The following KLHL22 variants were observed in gnomAD, a reference collection of about 807,000 sequenced individuals.
The protein encoded by KLHL22 is kelch like family member 22.
In KLHL22, 18 loss-of-function variants were observed where a neutral mutation model predicts 60.7. The ratio of observed to expected loss-of-function variants is 0.30; its 90% CI spans 0.20 to 0.44. The LOEUF (loss-of-function observed/expected upper bound fraction) is 0.44, where lower values mean the gene tolerates loss of function less well. KLHL22 is among the 20% of genes least tolerant of loss of function. The pLI is 1.00. For missense variants in KLHL22, 596 were observed against 852.3 expected, an observed-to-expected ratio of 0.70 and a Z score of 3.74; for synonymous variants, 355 against 354.5, an observed-to-expected ratio of 1.00 and a Z score of -0.01.
intron 2 of KLHL22, among the ~76,000 whole-genome samples, chr22:20,477,748 T>C (rs1242283861): frequency 2.6e-5 from 4 of 152,226 alleles, no homozygotes; most frequent in Admixed American, 6.5e-5. Context: ...ATTACACATT[T>C]CTTTTTCATT....
chr22:20,483,040 T>A (rs2053530724), intron 2 of KLHL22: 4 of 669,492 alleles, frequency 6.0e-6, no homozygotes, highest in Non-Finnish European at 1.1e-5. Context: ...CCTGGCACTG[T>A]CCCTCTGCCC....
intron 2 of KLHL22, chr22:20,483,451 T>C (rs2053537260): frequency 6.5e-6 from 5 of 766,704 alleles, no homozygotes; most frequent in African/African-American, 5.1e-5. Flanking sequence ...TTTTACTTCC[T>C]CTTCATGGTT....
Position 20,445,722 on chromosome 22 carries a change from C to A in KLHL22, c.1539+721G>T, listed in dbSNP as rs115645795. Among the ~76,000 whole-genome samples, 979 of 152,232 alleles carry A rather than the reference C, an allele frequency of 6.4e-3. 12 individuals carry two copies. The highest frequency in any genetic ancestry group is 0.023 in the African/African-American group (941 of 41,542). On this transcript the variant is annotated intron_variant, in intron 6 of 6. Coordinates refer to ENST00000328879, the MANE Select transcript of KLHL22 (RefSeq NM_032775.4). ...TCAGCCTCCTGAGTAGCTGGGACTA[C>A]AGGTATGTGCTGCCAGCCTGGATCT...
At position 20,458,816 on chromosome 22, in the gene KLHL22, C is replaced by T. The variant is rs141526726; in HGVS notation, c.1113-816G>A. On this transcript the variant is annotated intron_variant, in intron 4 of 6. Coordinates refer to ENST00000328879, the MANE Select transcript of KLHL22 (RefSeq NM_032775.4). ...CCTCCTCCCACCATGCTGCCAGCCCCGCGTTTCCTGACCTCCCCTCCACTC... is the reference window on the plus strand; with the variant it reads ...CCTCCTCCCACCATGCTGCCAGCCCTGCGTTTCCTGACCTCCCCTCCACTC... 5.6e-4 allele frequency among the ~76,000 whole-genome samples: 86 copies of T among 152,266 alleles called. 4 individuals are homozygous for T. The East Asian group carries it at 0.014, about 24-fold the overall frequency.
chr22:20,454,002 T>A (rs750175808), intron 5 of KLHL22, among the ~76,000 whole-genome samples: 6 of 152,188 alleles, frequency 3.9e-5, no homozygotes, highest in African/African-American at 1.2e-4. Context: ...CCCAAAGTGC[T>A]GGGATTACAG....
In KLHL22 at chr22:20,442,482, G is replaced by A. The variant is rs200342972; in HGVS notation, c.1540-44C>T. ...AATAAAGCCCAGCACCCACTGGGAC[G>A]AGGCTGCCAGCTCCCCCACAAGCCC... On this transcript the variant is annotated intron_variant, in intron 6 of 6. Coordinates refer to ENST00000328879, the MANE Select transcript of KLHL22 (RefSeq NM_032775.4). The A allele has an allele frequency of 1.0e-4, 157 of 1,508,176 alleles. No individual in the cohort carries two copies. The African/African-American group carries it at 1.2e-3, about 11-fold the overall frequency. 93.4% of individuals were successfully genotyped at this position (1,508,176 alleles called of 1,614,324 possible).
Position 20,457,924 on chromosome 22 carries a change from C to T in KLHL22, c.1189G>A (p.Val397Ile), listed in dbSNP as rs752714487. 1.2e-6 allele frequency: 2 copies of T among 1,614,080 alleles called. No individual in the cohort carries two copies. The highest frequency in any genetic ancestry group is 1.7e-6 in the Non-Finnish European group (2 of 1,180,052). The change falls in exon 5 of 7, where the codon GTA becomes ATA. Residue 397 changes from valine (V) to isoleucine (I), a missense_variant. Physicochemically the swap from Val to Ile is conservative, Grantham distance 29 (BLOSUM62 3). Transcript: ENST00000328879. ...QEHADLSVCVVGRYIYAVAGR... is the reference protein window; with the variant it reads ...QEHADLSVCVIGRYIYAVAGR... ...GCCACAGCGTAGATGTACCTGCCTA[C>T]AACACACACGGACAGGTCGGCGTGC...
chr22:20,461,686 C>T (rs180911587), intron 4 of KLHL22, among the ~76,000 whole-genome samples: 125 of 151,438 alleles, frequency 8.3e-4, no homozygotes, highest in African/African-American at 2.9e-3. Context: ...TGACCGGGCA[C>T]GGTGGGTGGC....
chr22:20,458,007 C>G lies in KLHL22; in HGVS notation c.1113-7G>C. The G allele has an allele frequency of 6.2e-7, 1 of 1,613,726 alleles. No homozygotes were observed. ...GTTGTGCCGTGGGTCATACCTGTGC[C>G]GAGACATGAGGAAAGCACAGCACTG... On this transcript the variant is annotated splice_region_variant and splice_polypyrimidine_tract_variant and intron_variant, in intron 4 of 6. Coordinates refer to ENST00000328879, the MANE Select transcript of KLHL22 (RefSeq NM_032775.4).
At chr22:20,470,786 A>AAATGGATGGATG (rs142562911) in intron 3 of KLHL22, among the ~76,000 whole-genome samples, 5 of 137,648 alleles carry the variant, frequency 3.6e-5, no homozygotes, top group Admixed American at 7.2e-5. Context: ...ATGGATGGAT[A>AAATGGATGGATG]GATGGATGGA....
In KLHL22 at chr22:20,446,638, C is replaced by T; in HGVS notation, c.1344G>A (p.Met448Ile). The T allele has an allele frequency of 6.2e-7, 1 of 1,613,168 alleles. No homozygotes were observed. Reference protein sequence around the residue: ...AHAGATLEGKMYITCGRRGED... With the variant: ...AHAGATLEGKIYITCGRRGED... ...CCCCTCTGCGGCCGCAGGTGATATA[C>T]ATCTTCCCCTCCAGCGTCGCGCCTG... The change falls in exon 6 of 7, where the codon ATG becomes ATA. Residue 448 changes from methionine (M) to isoleucine (I), a missense_variant. By Grantham distance (10) the Met-to-Ile change is conservative. Coordinates refer to ENST00000328879, the MANE Select transcript of KLHL22 (RefSeq NM_032775.4).
At chr22:20,476,296 G>A (rs2053410848) in intron 2 of KLHL22, among the ~76,000 whole-genome samples, 1 of 151,762 alleles carries the variant, frequency 6.6e-6, no homozygotes, top group South Asian at 2.1e-4. Context: ...ATGTACTTCT[G>A]TCTGATTCTT....
chr22:20,476,439 A>G (rs2053414226), intron 2 of KLHL22, among the ~76,000 whole-genome samples: 1 of 127,682 alleles, frequency 7.8e-6, no homozygotes, highest in Non-Finnish European at 1.6e-5. Context: ...TTTTGAGACG[A>G]AGTCTTGCTG....
intron 3 of KLHL22, among the ~76,000 whole-genome samples, chr22:20,469,095 G>T (rs571131808): frequency 3.9e-4 from 59 of 152,286 alleles, no homozygotes; most frequent in African/African-American, 1.4e-3. Flanking sequence ...AAGCTGACTG[G>T]TGAGAGAGGG....
At chr22:20,451,262 A>G (rs528161360) in intron 5 of KLHL22, 3 of 1,604,632 alleles carry the variant, frequency 1.9e-6, no homozygotes, top group African/African-American at 1.3e-5. Flanking sequence ...GATTTGATCT[A>G]TGTCTCTGGA....
intron 2 of KLHL22, among the ~76,000 whole-genome samples, chr22:20,480,855 G>C (rs1256301745): frequency 7.3e-6 from 1 of 136,194 alleles, no homozygotes; most frequent in Non-Finnish European, 1.5e-5. Context: ...TTTTTGAGAC[G>C]GAGTCTTGCT....
intron 2 of KLHL22, among the ~76,000 whole-genome samples, chr22:20,476,724 T>G (rs983475338): frequency 4.0e-5 from 6 of 148,834 alleles, no homozygotes; most frequent in African/African-American, 7.5e-5. Flanking sequence ...TTTTTTTTTT[T>G]TGTGACAGAG....
intron 2 of KLHL22, among the ~76,000 whole-genome samples, chr22:20,478,624 C>G (rs779265840): frequency 1.9e-4 from 27 of 145,910 alleles, no homozygotes; most frequent in Non-Finnish European, 2.8e-4. Context: ...ACGCCTTTCT[C>G]CTGTCTCAGC....
At position 20,479,791 on chromosome 22, in the gene KLHL22, T is replaced by C. The variant is rs116363931; in HGVS notation, c.228-8276A>G. ...GTGCACTGTTGGTGGGAATGAAAAG[T>C]GGTGCAACTGCTATGTTCCTCAGAA... On this transcript the variant is annotated intron_variant, in intron 2 of 6. Coordinates refer to ENST00000328879, the MANE Select transcript of KLHL22 (RefSeq NM_032775.4). Among the ~76,000 whole-genome samples the C allele has an allele frequency of 2.7e-3, 408 of 152,328 alleles. 1 individual carries two copies. The highest frequency in any genetic ancestry group is 9.5e-3 in the African/African-American group (396 of 41,566).
Sources: allele counts gnomAD v4.1 joint callset (sites outside exome capture counted in the v4.1 genomes callset), GRCh38; gene constraint gnomAD v4.1.1; transcripts MANE v1.5; gene names NCBI Gene and HGNC (gene_info 2026-07-23, HGNC 2026-07-21).